LMF2: variants seen among roughly 807,000 people sequenced by gnomAD.
The protein encoded by LMF2 is lipase maturation factor 2.
Under a neutral mutation model 81.5 loss-of-function variants are expected in LMF2, and 113 were observed. The observed-to-expected ratio is 1.39, with a 90% confidence interval of 1.19 to 1.62. The LOEUF (loss-of-function observed/expected upper bound fraction) is 1.62. Among genes scored for constraint, LMF2 ranks in the 40% most tolerant of loss-of-function variants. The probability of loss-of-function intolerance (pLI) is 0.00; values close to 1 mark genes in which losing one functional copy is unlikely to be tolerated. For missense variants in LMF2, 1,235 were observed against 929.1 expected (o/e 1.33, Z -4.28); for synonymous variants, 645 against 424.5 (o/e 1.52, Z -6.39).
chr22:50,505,375 C>T (rs201299758), intron 7 of LMF2, 28 bp downstream of exon 7: 713 of 1,613,242 alleles, frequency 4.4e-4, no homozygotes, highest in Non-Finnish European at 5.7e-4. Flanking sequence ...CCGCCCCTGC[C>T]CTCTGGCCCC....
rs1186958806 is a variant in LMF2 at position 50,505,766 on chromosome 22, T to A, written c.824A>T (p.Asn275Ile). The stretch of plus-strand genomic sequence containing the variant: ...AGTGGTAAGCACCAGCGTCATCAGG[T>A]TGAAGAAGTTGTAGTTGCCGGTGAT... ...IIITGNYNFF[N>I]LMTLVLTTAL... The change falls in exon 6 of 14, where the codon AAC becomes ATC. Residue 275 changes from asparagine to isoleucine, a missense_variant. Coordinates refer to ENST00000474879, the MANE Select transcript of LMF2 (RefSeq NM_033200.3). The A allele has an allele frequency of 6.2e-7, 1 of 1,613,052 alleles. No homozygotes were observed. Among genetic ancestry groups the A allele is most frequent in the African/African-American group, 1.3e-5 (1 of 74,886 alleles).
At position 50,505,134 on chromosome 22, in the gene LMF2, A is replaced by G. The variant is rs751148848; in HGVS notation, c.1177T>C (p.Trp393Arg). 6 of 1,612,910 alleles carry G rather than the reference A, an allele frequency of 3.7e-6. No individual in the cohort carries two copies. The South Asian group carries it at 6.6e-5, about 18-fold the overall frequency. ...ACTACAGCACTGAGCTTCCGTAGCC[A>G]GCCCCGCACCTGGGTCCACCTGTGG... Reference protein sequence around the residue: ...ALWRWTQVRGWLRKLSAVVQL... With the variant: ...ALWRWTQVRGRLRKLSAVVQL... Residue 393 changes from tryptophan (W) to arginine (R), a missense_variant, in exon 9 of 14, where the codon TGG (tryptophan) becomes CGG (arginine). Coordinates refer to ENST00000474879, the MANE Select transcript of LMF2 (RefSeq NM_033200.3).
At position 50,506,367 on chromosome 22, in the gene LMF2, CA is replaced by C. The variant is rs779135667; in HGVS notation, c.512del (p.Val171GlyfsTer17). 6.5e-7 allele frequency: 1 copy of C among 1,549,742 alleles called. No homozygotes were observed. On this transcript the variant is annotated frameshift_variant, in exon 4 of 14. Transcript: ENST00000474879. LOFTEE classifies it high-confidence loss of function. ...LPHEDLPFWLVRWLLFRLMFA... is the reference protein window; with the variant it reads ...LPHEDLPFWLXRWLLFRLMFA... The stretch of plus-strand genomic sequence containing the variant: ...ACATGAGGCGGAACAGCAGCCATCG[CA>C]CCAGCCAGAAGGGGAGGTCTTCGTG...
chr22:50,506,044 G>A lies in LMF2; in HGVS notation c.765C>T (p.Phe255=), dbSNP rs775678842. 1 of 1,586,208 alleles carries A rather than the reference G, an allele frequency of 6.3e-7. No individual in the cohort carries two copies. Among genetic ancestry groups the A allele is most frequent in the Non-Finnish European group, 8.6e-7 (1 of 1,166,296 alleles). ...APIRRLRLAA[F]YSQVLLQVLI... ...TGCGGCCCTCACCCACCTGCGAGTA[G>A]AAAGCAGCCAAGCGCAGGCGTCGAA... Residue 255 remains phenylalanine, a synonymous_variant, in exon 5 of 14, where the codon TTC becomes TTT. Transcript: ENST00000474879.
In LMF2 at chr22:50,506,826, C is replaced by CA. The variant is rs1180544038; in HGVS notation, c.303dup (p.Val102CysfsTer135). The CA allele has an allele frequency of 3.7e-6, 6 of 1,607,092 alleles. No homozygotes were observed. In the African/African-American group the frequency reaches 6.7e-5, roughly 18 times the overall value. ...GCGGCCCAAAGCAGCAAGTAGATGACAGGGTGGCGCAGTGGGCTCAGCAGC... is the reference window on the plus strand; with the variant it reads ...GCGGCCCAAAGCAGCAAGTAGATGACAAGGGTGGCGCAGTGGGCTCAGCAGC... On this transcript the variant is annotated frameshift_variant, in exon 2 of 14. Transcript: ENST00000474879. LOFTEE classifies it high-confidence loss of function.
rs771941256 is a variant in LMF2 at position 50,505,350 on chromosome 22, G to A, written c.1052-16C>T. 12 of 1,613,122 alleles carry A rather than the reference G, an allele frequency of 7.4e-6. No individual in the cohort carries two copies. Among genetic ancestry groups the A allele is most frequent in the African/African-American group, 5.3e-5 (4 of 74,936 alleles). ...AAGGTGAAAGCTGGTGGAGGAGGGG[G>A]GTGTGAGGACTGGTCCGCCCCTGCC... On this transcript the variant is annotated splice_polypyrimidine_tract_variant and intron_variant, in intron 7 of 13. Transcript: ENST00000474879.
intron 5 of LMF2, 60 bp downstream of exon 5, chr22:50,505,975 G>C: frequency 6.4e-7 from 1 of 1,559,448 alleles, no homozygotes; most frequent in Non-Finnish European, 8.7e-7. Context: ...AGGGCACGCT[G>C]AGCAGCGCTG....
chr22:50,506,125 G>A lies in LMF2; in HGVS notation c.684C>T (p.Ser228=), dbSNP rs373632119. The A allele has an allele frequency of 3.3e-5, 52 of 1,580,852 alleles. No individual in the cohort carries two copies. Among genetic ancestry groups the A allele is most frequent in the Non-Finnish European group, 4.2e-5 (49 of 1,163,536 alleles). The change falls in exon 5 of 14, where the codon AGC becomes AGT. Residue 228 remains serine (S), a synonymous_variant. Transcript: ENST00000474879. Reference sequence around the variant, plus strand: ...TCTCAATTAGGAAGGTGGCCACCACGCTGAGCTTGTGCAGCCAGACCGGCA... The same window carrying A: ...TCTCAATTAGGAAGGTGGCCACCACACTGAGCTTGTGCAGCCAGACCGGCA... ...HHLPVWLHKL[S]VVATFLIEIA...
rs2068451366 is a variant in LMF2, at chr22:50,503,201, G to A, written c.*190C>T. On this transcript the variant is annotated 3_prime_UTR_variant, in exon 14 of 14. Transcript: ENST00000474879. The stretch of plus-strand genomic sequence containing the variant: ...GGCAATAGTGGGAGTCCTGGGGAGG[G>A]GCATGGCTGGCGTGGGGGTGGGGCC... 1 of 567,144 alleles carries A rather than the reference G, an allele frequency of 1.8e-6. No individual in the cohort carries two copies. The highest frequency in any genetic ancestry group is 3.3e-5 in the East Asian group (1 of 30,428). The allele number at this position is 567,144 out of a possible 1,614,324, so 35.1% of individuals were successfully genotyped here.
chr22:50,504,002 TC>T, intron 12 of LMF2, 98 bp from the exon 13 acceptor site: 1 of 1,042,718 alleles, frequency 9.6e-7, no homozygotes, highest in Non-Finnish European at 1.4e-6. Flanking sequence ...CTCCTCACGC[TC>T]CACATCCCCC....
chr22:50,504,654 A>G lies in LMF2; in HGVS notation c.1511T>C (p.Leu504Pro). Residue 504 changes from leucine to proline, a missense_variant, in exon 11 of 14, where the codon CTG becomes CCG. Coordinates refer to ENST00000474879, the MANE Select transcript of LMF2 (RefSeq NM_033200.3). ...GGCTGCAAACCACATCTGCCAGTCC[A>G]GGCGTGGCTGGTGGGGCACCACAAC... ...PPVVVPHQPR[L>P]DWQMWFAALG... is the part of the protein sequence containing the mutation. 11 of 1,609,000 alleles carry G rather than the reference A, an allele frequency of 6.8e-6. No individual in the cohort carries two copies. Among genetic ancestry groups the G allele is most frequent in the Non-Finnish European group, 9.3e-6 (11 of 1,179,312 alleles).
intron 1 of LMF2, 175 bp from the exon 2 acceptor site, chr22:50,507,210 C>T: frequency 1.8e-6 from 2 of 1,098,848 alleles, no homozygotes; most frequent in Non-Finnish European, 2.5e-6. Flanking sequence ...CTGTCAAAAC[C>T]CCGTCCCAGG....
intron 11 of LMF2, 52 bp from the exon 12 acceptor site, chr22:50,504,503 C>T: frequency 1.3e-6 from 2 of 1,485,562 alleles, no homozygotes; most frequent in Non-Finnish European, 1.8e-6. Flanking sequence ...CTGCCCCTCC[C>T]CTCCCCACCC....
intron 1 of LMF2, chr22:50,507,278 CCT>C (rs2068613722): frequency 3.1e-6 from 2 of 638,270 alleles, no homozygotes; most frequent in Non-Finnish European, 5.3e-6. Flanking sequence ...AGCCCACTGC[CCT>C]CTTCCAGGTC....
Position 50,503,703 on chromosome 22 carries a change from T to TGGGAAGGA in LMF2, c.1816-5_1816-4insTCCTTCCC. 1 of 589,064 alleles carries TGGGAAGGA rather than the reference T, an allele frequency of 1.7e-6. No individual in the cohort carries two copies. 36.5% of individuals were successfully genotyped at this position (589,064 alleles called of 1,614,324 possible). A position where few individuals can be genotyped will look rare whatever the true frequency, so the allele number is the denominator to read the frequency against. On this transcript the variant is annotated splice_polypyrimidine_tract_variant and splice_region_variant and intron_variant, in intron 13 of 13. Transcript: ENST00000474879. The stretch of plus-strand genomic sequence containing the variant: ...GGGTGCGAGGTGGGCTTTTCTCCTG[T>TGGGAAGGA]GGGAGGGAGGGAGGGAGGGAGGTTG...
intron 11 of LMF2, 38 bp from the exon 12 acceptor site, chr22:50,504,489 C>G (rs577065551): frequency 1.3e-6 from 2 of 1,539,752 alleles, no homozygotes; most frequent in South Asian, 2.3e-5. Context: ...CCACAGTACC[C>G]GCCCTGCCCC....
chr22:50,506,041 G>A lies in LMF2; in HGVS notation c.768C>T (p.Tyr256=). ...PIRRLRLAAF[Y]SQVLLQVLII... ...AGCTGCGGCCCTCACCCACCTGCGA[G>A]TAGAAAGCAGCCAAGCGCAGGCGTC... Residue 256 remains tyrosine (Y), a synonymous_variant, in exon 5 of 14, where the codon TAC becomes TAT. Transcript: ENST00000474879. 1 of 1,584,554 alleles carries A rather than the reference G, an allele frequency of 6.3e-7. No homozygotes were observed. The highest frequency in any genetic ancestry group is 1.1e-5 in the South Asian group (1 of 87,702).
Position 50,505,458 on chromosome 22 carries a change from C to A in LMF2, c.996G>T (p.Val332=). 1 of 1,613,040 alleles carries A rather than the reference C, an allele frequency of 6.2e-7. No homozygotes were observed. Among genetic ancestry groups the A allele is most frequent in the Non-Finnish European group, 8.5e-7 (1 of 1,180,024 alleles). ...AGTCAACCTCCAGGCCAAAGTAGTG[C>A]ACAGTGCCATAGGCCAGAAGCCCGT... ...AVYGLLAYGT[V]HYFGLEVDWQ... is the part of the protein sequence containing the mutation. Residue 332 remains valine, a synonymous_variant, in exon 7 of 14, where the codon GTG becomes GTT. Transcript: ENST00000474879.
At chr22:50,504,055 C>G (rs1377294562) in intron 12 of LMF2, 151 bp from the exon 13 acceptor site, 1 of 705,402 alleles carries the variant, frequency 1.4e-6, no homozygotes, top group Admixed American at 3.0e-5. Flanking sequence ...GCTCCACACC[C>G]CACCCGGTGC....
Sources: allele counts gnomAD v4.1 joint callset, GRCh38; gene constraint gnomAD v4.1.1; transcripts MANE v1.5; gene names NCBI Gene and HGNC (gene_info 2026-07-23, HGNC 2026-07-21).